ZNF564: variants seen among roughly 807,000 people sequenced by gnomAD.
ZNF564 encodes zinc finger protein 564.
In ZNF564, 5 loss-of-function variants were observed where a neutral mutation model predicts 10.5. The ratio of observed to expected loss-of-function variants is 0.48; its 90% CI spans 0.25 to 1.00. ZNF564 has a LOEUF of 1.00. ZNF564 is among the 50% of genes least tolerant of loss of function. The pLI is 0.16. For missense variants in ZNF564, 603 were observed against 669.7 expected, an observed-to-expected ratio of 0.90 and a Z score of 1.10; for synonymous variants, 242 against 218.1, an observed-to-expected ratio of 1.11 and a Z score of -0.97.
Position 12,527,548 on chromosome 19 carries a change from T to G in ZNF564, c.560A>C (p.His187Pro). 1 of 1,614,196 alleles carries G rather than the reference T, an allele frequency of 6.2e-7. No individual in the cohort carries two copies. ...AFISLPSVRR[H>P]MIKHTGDGPY... ...TCCATCTCCAGTGTGCTTAATCATG[T>G]GTCTTCGAACACTTGGGAGAGAAAT... Residue 187 changes from histidine (H) to proline (P), a missense_variant, in exon 4 of 4, where the codon CAC (histidine) becomes CCC (proline). Transcript: ENST00000339282.
At chr19:12,538,351 C>T (rs543821178) in intron 1 of ZNF564, among the ~76,000 whole-genome samples, 6 of 151,454 alleles carry the variant, frequency 4.0e-5, no homozygotes, top group African/African-American at 7.3e-5. Context: ...TTTGGCCAGG[C>T]GCAGTGGCTC....
chr19:12,549,143 A>G (rs2022207045), intron 1 of ZNF564, among the ~76,000 whole-genome samples: 3 of 152,106 alleles, frequency 2.0e-5, no homozygotes, highest in Admixed American at 2.0e-4. Flanking sequence ...TTTTCCCTCA[A>G]ATCTACTTTC....
intron 1 of ZNF564, among the ~76,000 whole-genome samples, chr19:12,545,645 C>T (rs1486519975): frequency 1.3e-5 from 2 of 152,094 alleles, no homozygotes; most frequent in Admixed American, 1.3e-4. Context: ...CAATAATTTG[C>T]TAAAACTATT....
chr19:12,526,974 T>A lies in ZNF564; in HGVS notation c.1134A>T (p.Pro378=). 2 of 1,613,994 alleles carry A rather than the reference T, an allele frequency of 1.2e-6. No homozygotes were observed. Among genetic ancestry groups the A allele is most frequent in the South Asian group, 2.2e-5 (2 of 91,080 alleles). Reference sequence around the variant, plus strand: ...GCTTTATCATGTGTCTTCGGACACTTGGGAGAGAAATGAAGGCTTTCCCGC... The same window carrying A: ...GCTTTATCATGTGTCTTCGGACACTAGGGAGAGAAATGAAGGCTTTCCCGC... ...KECGKAFISL[P]SVRRHMIKHT... The change falls in exon 4 of 4, where the codon CCA becomes CCT. Residue 378 remains proline (P), a synonymous_variant. Transcript: ENST00000339282.
intron 1 of ZNF564, among the ~76,000 whole-genome samples, chr19:12,542,562 A>T (rs1479365245): frequency 6.6e-6 from 1 of 151,740 alleles, no homozygotes; most frequent in East Asian, 1.9e-4. Context: ...TGTAGGCTGC[A>T]GTGAGCTATG....
intron 1 of ZNF564, among the ~76,000 whole-genome samples, chr19:12,534,322 A>G (rs1189626130): frequency 6.6e-6 from 1 of 152,220 alleles, no homozygotes; most frequent in East Asian, 1.9e-4. Flanking sequence ...ACATATGAAA[A>G]CATGCATATT....
In ZNF564 at chr19:12,527,230, A is replaced by G. The variant is rs2021703951; in HGVS notation, c.878T>C (p.Phe293Ser). 1 of 1,614,108 alleles carries G rather than the reference A, an allele frequency of 6.2e-7. No individual in the cohort carries two copies. The change falls in exon 4 of 4, where the codon TTC becomes TCC. Residue 293 changes from phenylalanine (F) to serine (S), a missense_variant. Coordinates refer to ENST00000339282, the MANE Select transcript of ZNF564 (RefSeq NM_144976.4). ...AATCATATGACTTTGAAAATTTGTG[A>G]AAGAAATGAAGGCCTTCCCACACTG... ...CKQCGKAFIS[F>S]TNFQSHMIRH... is the part of the protein sequence containing the mutation.
chr19:12,540,626 G>A (rs146693411), intron 1 of ZNF564, among the ~76,000 whole-genome samples: 10 of 152,200 alleles, frequency 6.6e-5, no homozygotes, highest in East Asian at 3.9e-4. Flanking sequence ...AGGCCAAGGC[G>A]GGCAGATCAC....
intron 1 of ZNF564, among the ~76,000 whole-genome samples, chr19:12,544,639 CAG>C: frequency 6.6e-6 from 1 of 152,276 alleles, no homozygotes; most frequent in South Asian, 2.1e-4. Flanking sequence ...AAGGAATGCA[CAG>C]AGAGGCTGCA....
chr19:12,531,779 G>A (rs984678504), intron 1 of ZNF564, among the ~76,000 whole-genome samples: 17 of 151,802 alleles, frequency 1.1e-4, no homozygotes, highest in Admixed American at 8.5e-4. Context: ...AAAAGCAAGG[G>A]CAACTAATAG....
In ZNF564 at chr19:12,539,058, T is replaced by C. The variant is rs561016832; in HGVS notation, c.4-10362A>G. Among the ~76,000 whole-genome samples the C allele has an allele frequency of 2.7e-5, 4 of 148,632 alleles. No individual in the cohort carries two copies. The South Asian group carries it at 8.6e-4, about 32-fold the overall frequency. On this transcript the variant is annotated intron_variant, in intron 1 of 3. Transcript: ENST00000339282. ...GCCTGGCTAATGTGGCGCAATCCAG[T>C]CTCTACTAAAAAAATTCAAAAAAAA...
chr19:12,549,974 G>C (rs1385102561), intron 1 of ZNF564, among the ~76,000 whole-genome samples: 2 of 151,944 alleles, frequency 1.3e-5, no homozygotes, highest in Non-Finnish European at 1.5e-5. Flanking sequence ...GCTTAGGAAA[G>C]ATAAAAGGAG....
chr19:12,543,929 A>G (rs2022106522), intron 1 of ZNF564, among the ~76,000 whole-genome samples: 1 of 152,076 alleles, frequency 6.6e-6, no homozygotes, highest in African/African-American at 2.4e-5. Flanking sequence ...ATGACAGGAG[A>G]CAGCTTGCTT....
intron 1 of ZNF564, among the ~76,000 whole-genome samples, chr19:12,540,475 T>C (rs1459552454): frequency 2.0e-5 from 3 of 152,086 alleles, no homozygotes; most frequent in Admixed American, 6.6e-5. Flanking sequence ...ATCCCAACAC[T>C]TTGGGAGGCT....
rs2021691088 is a variant in ZNF564, at chr19:12,526,683, T to C, written c.1425A>G (p.Lys475=). The C allele has an allele frequency of 6.2e-7, 1 of 1,614,192 alleles. No individual in the cohort carries two copies. The highest frequency in any genetic ancestry group is 1.1e-5 in the South Asian group (1 of 91,080). ...RTHERTHTGE[K]PYECKECGKA... The stretch of plus-strand genomic sequence containing the variant: ...TCCCACATTCTTTACATTCATAGGG[T>C]TTTTCTCCAGTATGAGTTCTTTCAT... Residue 475 remains lysine, a synonymous_variant, in exon 4 of 4, where the codon AAA becomes AAG. Transcript: ENST00000339282.
At position 12,527,116 on chromosome 19, in the gene ZNF564, T is replaced by G; in HGVS notation, c.992A>C (p.His331Pro). The G allele has an allele frequency of 6.2e-7, 1 of 1,614,206 alleles. No homozygotes were observed. The highest frequency in any genetic ancestry group is 2.2e-5 in the East Asian group (1 of 44,884). ...ACATTCATAGGGTTTCTCCCCAGTA[T>G]GAGTTCTTTCATGCTTTCGAACATA... ...PSYVRKHERT[H>P]TGEKPYECNK... Residue 331 changes from histidine (H) to proline (P), a missense_variant, in exon 4 of 4, where the codon CAT (histidine) becomes CCT (proline). Transcript: ENST00000339282.
intron 1 of ZNF564, chr19:12,550,420 C>T: frequency 5.8e-6 from 1 of 171,566 alleles, no homozygotes; most frequent in Non-Finnish European, 1.3e-5. Flanking sequence ...TTTTGGGAGG[C>T]GGAGGTGAGC....
chr19:12,537,833 G>A lies in ZNF564; in HGVS notation c.4-9137C>T, dbSNP rs533060053. The stretch of plus-strand genomic sequence containing the variant: ...CAATGTATAAAAATAACAGATTTTT[G>A]CAGGTTCCATTTGTATGCTACCAAT... On this transcript the variant is annotated intron_variant, in intron 1 of 3. Coordinates refer to ENST00000339282, the MANE Select transcript of ZNF564 (RefSeq NM_144976.4). 1.8e-4 allele frequency among the ~76,000 whole-genome samples: 27 copies of A among 151,320 alleles called. No homozygotes were observed. In the South Asian group the frequency reaches 5.4e-3, roughly 30 times the overall value.
Position 12,541,066 on chromosome 19 carries a change from C to CAAA in ZNF564, c.3+10261_3+10263dup, listed in dbSNP as rs35848835. On this transcript the variant is annotated intron_variant, in intron 1 of 3. Transcript: ENST00000339282. The stretch of plus-strand genomic sequence containing the variant: ...GGAATGTGGCAAAACCCTGTCTCTA[C>CAAA]AAAAAAAAAAAAAAAAAAAAAAGAA... Among the ~76,000 whole-genome samples, 88 of 58,962 alleles carry CAAA rather than the reference C, an allele frequency of 1.5e-3. 1 individual carries two copies. Among genetic ancestry groups the CAAA allele is most frequent in the African/African-American group, 2.2e-3 (29 of 13,026 alleles). 38.7% of individuals were successfully genotyped at this position (58,962 alleles called of 152,430 possible). A position where few individuals can be genotyped will look rare whatever the true frequency, so the allele number is the denominator to read the frequency against.
Sources: gnomAD v4.1 joint callset for allele counts (sites outside exome capture counted in the v4.1 genomes callset) on GRCh38, gnomAD v4.1.1 for gene constraint, MANE v1.5 for transcripts, NCBI Gene and HGNC (gene_info 2026-07-23, HGNC 2026-07-21) for gene names.